The following ZNF609 variants were observed in gnomAD, a reference collection of about 807,000 sequenced individuals.
The protein encoded by ZNF609 is zinc finger protein 609.
Under a neutral mutation model 109.5 loss-of-function variants are expected in ZNF609, and 11 were observed. The observed-to-expected ratio is 0.10, with a 90% CI of 0.06 to 0.17. ZNF609 has a LOEUF of 0.17. Among genes scored for constraint, ZNF609 ranks in the 10% least tolerant of loss-of-function variants. The probability of loss-of-function intolerance (pLI) is 1.00; values close to 1 mark genes in which losing one functional copy is unlikely to be tolerated. For missense variants in ZNF609, 1,559 were observed against 1,772.4 expected, an observed-to-expected ratio of 0.88 and a Z score of 2.16; for synonymous variants, 646 against 662.0, an observed-to-expected ratio of 0.98 and a Z score of 0.37.
intron 2 of ZNF609, among the ~76,000 whole-genome samples, chr15:64,526,539 T>A (rs1313779878): frequency 6.6e-6 from 1 of 152,166 alleles, no homozygotes; most frequent in South Asian, 2.1e-4. Flanking sequence ...TTTTAGGGAG[T>A]AACTTTCAGT....
chr15:64,523,930 A>G (rs1893930219), intron 2 of ZNF609, among the ~76,000 whole-genome samples: 1 of 152,112 alleles, frequency 6.6e-6, no homozygotes, highest in Non-Finnish European at 1.5e-5. Context: ...ATTATTTAAA[A>G]AAAAGTAATG....
intron 2 of ZNF609, among the ~76,000 whole-genome samples, chr15:64,616,523 T>G (rs2140966423): frequency 7.3e-6 from 1 of 137,878 alleles, no homozygotes; most frequent in East Asian, 2.1e-4. Flanking sequence ...TCTTTTTTTT[T>G]TTTTTTTTTT....
rs1454090943 is a variant in ZNF609, at chr15:64,682,241, G to C, written c.*555G>C. The C allele has an allele frequency of 1.3e-5, 2 of 152,730 alleles. No individual in the cohort carries two copies. Among genetic ancestry groups the C allele is most frequent in the East Asian group, 3.9e-4 (2 of 5,182 alleles). 9.5% of individuals were successfully genotyped at this position (152,730 alleles called of 1,614,324 possible). A position where few individuals can be genotyped will look rare whatever the true frequency, so the allele number is the denominator to read the frequency against. ...CTAGAATCTCAGGAAAGAAATTGGG[G>C]GTTGTTTTCTACATAATTGTGAAAA... On this transcript the variant is annotated 3_prime_UTR_variant, in exon 10 of 10. Coordinates refer to ENST00000326648, the MANE Select transcript of ZNF609 (RefSeq NM_015042.2).
chr15:64,594,155 A>C (rs1271387201), intron 2 of ZNF609, among the ~76,000 whole-genome samples: 1 of 152,214 alleles, frequency 6.6e-6, no homozygotes, highest in Non-Finnish European at 1.5e-5. Flanking sequence ...AGGTAGCTGA[A>C]AGGGCACTGT....
At chr15:64,463,174 C>T (rs561596334) in intron 1 of ZNF609, among the ~76,000 whole-genome samples, 3 of 152,238 alleles carry the variant, frequency 2.0e-5, no homozygotes, top group African/African-American at 7.2e-5. Context: ...GTGGGAAGAT[C>T]GCTTGAGTTC....
intron 2 of ZNF609, among the ~76,000 whole-genome samples, chr15:64,576,966 A>G (rs1240849602): frequency 7.2e-6 from 1 of 139,706 alleles, no homozygotes; most frequent in Non-Finnish European, 1.5e-5. Flanking sequence ...GTATATATAC[A>G]CATAAATATA....
intron 2 of ZNF609, chr15:64,592,955 C>T (rs1895326417): frequency 2.1e-6 from 2 of 930,968 alleles, no homozygotes; most frequent in South Asian, 1.3e-5. Context: ...AATGTTTTTG[C>T]TCTCTCCGGT....
chr15:64,665,608 T>G (rs1896635394), intron 3 of ZNF609, among the ~76,000 whole-genome samples: 1 of 151,728 alleles, frequency 6.6e-6, no homozygotes, highest in Non-Finnish European at 1.5e-5. Context: ...ACAGAAAAAA[T>G]TATAAAAAGT....
chr15:64,580,404 G>C (rs143416407), intron 2 of ZNF609, among the ~76,000 whole-genome samples: 3 of 152,230 alleles, frequency 2.0e-5, no homozygotes, highest in African/African-American at 4.8e-5. Context: ...TACAGCTATG[G>C]GGGAGTTAGC....
chr15:64,651,594 G>T (rs910826635), intron 3 of ZNF609, among the ~76,000 whole-genome samples: 4 of 152,236 alleles, frequency 2.6e-5, no homozygotes, highest in African/African-American at 9.6e-5. Context: ...TTAGATAGGA[G>T]CAGTGAGCCA....
intron 2 of ZNF609, among the ~76,000 whole-genome samples, chr15:64,619,652 C>G (rs557280991): frequency 6.6e-6 from 1 of 152,206 alleles, no homozygotes; most frequent in Non-Finnish European, 1.5e-5. Context: ...CATCTTCATA[C>G]AACAGAGATG....
At chr15:64,548,138 C>T (rs1192544519) in intron 2 of ZNF609, among the ~76,000 whole-genome samples, 1 of 152,164 alleles carries the variant, frequency 6.6e-6, no homozygotes, top group Non-Finnish European at 1.5e-5. Flanking sequence ...ATGCTGCGAT[C>T]CCTCAACCAC....
chr15:64,656,817 G>A (rs1340881266), intron 3 of ZNF609, among the ~76,000 whole-genome samples: 2 of 147,422 alleles, frequency 1.4e-5, no homozygotes, highest in Non-Finnish European at 3.0e-5. Context: ...TTTAGATCCA[G>A]CATCCCAACT....
chr15:64,463,914 A>C (rs1403192303), intron 1 of ZNF609, among the ~76,000 whole-genome samples: 1 of 152,182 alleles, frequency 6.6e-6, no homozygotes, highest in East Asian at 1.9e-4. Context: ...TGAAGGCAGA[A>C]GCCTCAGATT....
intron 1 of ZNF609, among the ~76,000 whole-genome samples, chr15:64,487,770 C>T (rs888415272): frequency 2.0e-5 from 3 of 152,090 alleles, no homozygotes; most frequent in African/African-American, 7.2e-5. Context: ...GTAGCTGGAA[C>T]TACAAGCGAG....
At chr15:64,622,713 A>G in intron 2 of ZNF609, 114 bp from the exon 3 acceptor site, 1 of 873,080 alleles carries the variant, frequency 1.1e-6, no homozygotes, top group Non-Finnish European at 1.8e-6. Context: ...AGTCTTATTT[A>G]TAGCCGTCTG....
intron 2 of ZNF609, among the ~76,000 whole-genome samples, chr15:64,577,471 ATG>A (rs1283784218): frequency 2.1e-5 from 1 of 48,218 alleles, no homozygotes; most frequent in African/African-American, 6.0e-5. Context: ...ATACATATAT[ATG>A]TATATATATA....
chr15:64,517,062 T>C (rs1893822999), intron 2 of ZNF609, among the ~76,000 whole-genome samples: 1 of 152,208 alleles, frequency 6.6e-6, no homozygotes, highest in African/African-American at 2.4e-5. Flanking sequence ...GCTTTAAAAA[T>C]ATAGCATTAG....
At position 64,505,724 on chromosome 15, in the gene ZNF609, T is replaced by A. The variant is rs560429869; in HGVS notation, c.747+5558T>A. 3.3e-5 allele frequency among the ~76,000 whole-genome samples: 5 copies of A among 152,332 alleles called. No homozygotes were observed. The East Asian group carries it at 9.6e-4, about 29-fold the overall frequency. On this transcript the variant is annotated intron_variant, in intron 2 of 9. Coordinates refer to ENST00000326648, the MANE Select transcript of ZNF609 (RefSeq NM_015042.2). The stretch of plus-strand genomic sequence containing the variant: ...AGAAATCTGTACTTCCAGAAGTCTC[T>A]CCAGATAATTGCTATATACATCAAA...
Sources: allele counts gnomAD v4.1 joint callset (sites outside exome capture counted in the v4.1 genomes callset), GRCh38; gene constraint gnomAD v4.1.1; transcripts MANE v1.5; gene names NCBI Gene and HGNC (gene_info 2026-07-23, HGNC 2026-07-21).